Variants in MED28 observed in about 807,000 individuals in gnomAD.
The protein encoded by MED28 is mediator complex subunit 28, also known as mediator of RNA polymerase II transcription subunit 28.
Under a neutral mutation model 21.3 loss-of-function variants are expected in MED28, and 26 were observed. The ratio of observed to expected loss-of-function variants is 1.22; its 90% CI spans 0.89 to 1.69. The LOEUF is 1.69. MED28 is among the 40% of genes most tolerant of loss of function. MED28 has a pLI of 0.00. For synonymous variants in MED28, 110 were observed against 87.6 expected, an observed-to-expected ratio of 1.26 and a Z score of -1.43; for missense variants, 257 against 215.4, an observed-to-expected ratio of 1.19 and a Z score of -1.21.
In MED28 at chr4:17,628,561, C is replaced by T. The variant is rs981121413; in HGVS notation, c.*4763C>T. On this transcript the variant is annotated 3_prime_UTR_variant, in exon 4 of 4. Coordinates refer to ENST00000237380, the MANE Select transcript of MED28 (RefSeq NM_025205.5). ...CCTATGGTTCTCTGTGATGAATAGA[C>T]CCAACTTGTTCAAATACAGGCATTT... 5.9e-5 allele frequency: 9 copies of T among 152,108 alleles called. No individual in the cohort carries two copies. The highest frequency in any genetic ancestry group is 5.9e-4 in the Admixed American group (9 of 15,266). The allele number at this position is 152,108 out of a possible 1,614,324, so 9.4% of individuals were successfully genotyped here. A position where few individuals can be genotyped will look rare whatever the true frequency, so the allele number is the denominator to read the frequency against.
chr4:17,628,383 C>G lies in MED28; in HGVS notation c.*4585C>G, dbSNP rs1029672860. 4.6e-5 allele frequency: 7 copies of G among 151,754 alleles called. No homozygotes were observed. The highest frequency in any genetic ancestry group is 3.9e-4 in the East Asian group (2 of 5,170). The allele number at this position is 151,754 out of a possible 1,614,324, so 9.4% of individuals were successfully genotyped here. On this transcript the variant is annotated 3_prime_UTR_variant, in exon 4 of 4. Coordinates refer to ENST00000237380, the MANE Select transcript of MED28 (RefSeq NM_025205.5). ...ATGCAATTATACCTTTATCCCTACTCTAGTCCACCTTCCTATAAATAAGAT... is the reference window on the plus strand; with the variant it reads ...ATGCAATTATACCTTTATCCCTACTGTAGTCCACCTTCCTATAAATAAGAT...
At chr4:17,621,075 C>T (rs1714615504) in intron 2 of MED28, among the ~76,000 whole-genome samples, 7 of 140,508 alleles carry the variant, frequency 5.0e-5, no homozygotes, top group South Asian at 2.2e-4. Context: ...AGTGCAGTGG[C>T]GCGATCTCGG....
intron 1 of MED28, among the ~76,000 whole-genome samples, chr4:17,616,988 T>C (rs1254062869): frequency 6.6e-6 from 1 of 152,234 alleles, no homozygotes; most frequent in African/African-American, 2.4e-5. Flanking sequence ...TTCAGGAAGC[T>C]TGTAATAAAC....
intron 1 of MED28, among the ~76,000 whole-genome samples, chr4:17,616,464 C>T (rs748487023): frequency 2.6e-5 from 4 of 152,198 alleles, no homozygotes; most frequent in Non-Finnish European, 5.9e-5. Flanking sequence ...CACCCTGCTG[C>T]TTAAAAACGT....
intron 1 of MED28, 151 bp downstream of exon 1, chr4:17,614,964 C>T: frequency 5.0e-6 from 5 of 1,006,544 alleles, no homozygotes; most frequent in East Asian, 5.1e-5. Context: ...TTAGGCTTCC[C>T]CGTGGCCCGT....
At chr4:17,621,139 T>C (rs746817050) in intron 2 of MED28, among the ~76,000 whole-genome samples, 11 of 151,856 alleles carry the variant, frequency 7.2e-5, no homozygotes, top group Non-Finnish European at 1.5e-4. Context: ...CTCAGCCTCT[T>C]GAGTAGCTGG....
In MED28 at chr4:17,623,723, C is replaced by T. The variant is rs375052856; in HGVS notation, c.462C>T (p.Ala154=). The T allele has an allele frequency of 1.6e-5, 26 of 1,614,076 alleles. No individual in the cohort carries two copies. The highest frequency in any genetic ancestry group is 9.3e-5 in the African/African-American group (7 of 74,942). The change falls in exon 4 of 4, where the codon GCC becomes GCT. Residue 154 remains alanine, a synonymous_variant. Transcript: ENST00000237380. ...EDINVQHKKP[A]DIPQGSLAYL... The stretch of plus-strand genomic sequence containing the variant: ...TCAACGTGCAGCACAAAAAGCCCGC[C>T]GACATCCCTCAGGGCTCCTTGGCCT...
rs199549580 is a variant in MED28, at chr4:17,632,043, ATTTTT to A, written c.*8285_*8289del. 1.2e-3 allele frequency: 137 copies of A among 117,372 alleles called. No homozygotes were observed. Among genetic ancestry groups the A allele is most frequent in the Non-Finnish European group, 1.6e-3 (88 of 56,402 alleles). 7.3% of individuals were successfully genotyped at this position (117,372 alleles called of 1,614,324 possible). A position where few individuals can be genotyped will look rare whatever the true frequency, so the allele number is the denominator to read the frequency against. On this transcript the variant is annotated 3_prime_UTR_variant, in exon 4 of 4. Transcript: ENST00000237380. ...TTTTAATAACACTGGTTTAATGTCA[ATTTTT>A]TTTTTTTTTTTTTTTTTTTTTTTTT... is the stretch of plus-strand genomic sequence containing the variant.
In MED28 at chr4:17,629,063, C is replaced by T. The variant is rs569256163; in HGVS notation, c.*5265C>T. The T allele has an allele frequency of 1.2e-3, 178 of 152,362 alleles. 3 individuals carry two copies. The South Asian group carries it at 0.024, about 21-fold the overall frequency. 9.4% of individuals were successfully genotyped at this position (152,362 alleles called of 1,614,324 possible). On this transcript the variant is annotated 3_prime_UTR_variant, in exon 4 of 4. Coordinates refer to ENST00000237380, the MANE Select transcript of MED28 (RefSeq NM_025205.5). ...GACCAGCCTGGCCAACATGGTGAAA[C>T]CCTGTCTCTACTAAAAATACATTAA...
In MED28 at chr4:17,624,097, AT is replaced by A. The variant is rs1330257721; in HGVS notation, c.*304del. On this transcript the variant is annotated 3_prime_UTR_variant, in exon 4 of 4. Coordinates refer to ENST00000237380, the MANE Select transcript of MED28 (RefSeq NM_025205.5). ...TTTATGGTGGCTTTGCTTGTTTTAA[AT>A]TTTTGCATGACTTTTCATCTTTTTA... The A allele has an allele frequency of 2.2e-4, 80 of 367,230 alleles. 1 individual carries two copies. Among genetic ancestry groups the A allele is most frequent in the South Asian group, 2.1e-3 (62 of 29,014 alleles). 22.7% of individuals were successfully genotyped at this position (367,230 alleles called of 1,614,324 possible).
At chr4:17,621,335 T>G (rs1272924757) in intron 2 of MED28, among the ~76,000 whole-genome samples, 2 of 152,100 alleles carry the variant, frequency 1.3e-5, no homozygotes, top group African/African-American at 4.8e-5. Context: ...AAAGAAGATC[T>G]CATGGCTTTT....
chr4:17,622,045 C>T (rs769795874), intron 3 of MED28, among the ~76,000 whole-genome samples: 1 of 152,202 alleles, frequency 6.6e-6, no homozygotes, highest in Admixed American at 6.5e-5. Context: ...TCTGTGTCCC[C>T]ACTTGCCTTA....
At chr4:17,619,041 A>C (rs932961529) in intron 1 of MED28, among the ~76,000 whole-genome samples, 1 of 152,198 alleles carries the variant, frequency 6.6e-6, no homozygotes, top group Non-Finnish European at 1.5e-5. Flanking sequence ...ACAGAGCTCC[A>C]CTTTCCTGTG....
chr4:17,619,447 G>A (rs1714553767), intron 1 of MED28, among the ~76,000 whole-genome samples: 1 of 152,216 alleles, frequency 6.6e-6, no homozygotes, highest in Non-Finnish European at 1.5e-5. Context: ...TTAATTATGT[G>A]AAAAACAATA....
chr4:17,614,952 C>T (rs1714404402), intron 1 of MED28, 139 bp downstream of exon 1: 1 of 1,096,888 alleles, frequency 9.1e-7, no homozygotes, highest in Non-Finnish European at 1.3e-6. Context: ...AAGTCACTTG[C>T]TTTAGGCTTC....
intron 1 of MED28, among the ~76,000 whole-genome samples, chr4:17,617,170 C>G (rs1255348491): frequency 5.9e-5 from 9 of 152,190 alleles, no homozygotes. Flanking sequence ...GAGCTGGATC[C>G]TCTCTGCTGC....
chr4:17,617,154 T>C (rs1714475384), intron 1 of MED28, among the ~76,000 whole-genome samples: 1 of 151,936 alleles, frequency 6.6e-6, no homozygotes, highest in East Asian at 1.9e-4. Context: ...GGAGTGGGAG[T>C]GGTGCGAGCT....
intron 1 of MED28, among the ~76,000 whole-genome samples, chr4:17,618,587 G>C (rs1714525636): frequency 6.6e-6 from 1 of 152,090 alleles, no homozygotes; most frequent in African/African-American, 2.4e-5. Context: ...TGCAGTCTTG[G>C]CTCACTGCAA....
At position 17,621,656 on chromosome 4, in the gene MED28, G is replaced by A; in HGVS notation, c.296G>A (p.Arg99Lys). Residue 99 changes from arginine (R) to lysine (K), a missense_variant, in exon 3 of 4, where the codon AGA becomes AAA. By Grantham distance (26) the Arg-to-Lys change is conservative. Coordinates refer to ENST00000237380, the MANE Select transcript of MED28 (RefSeq NM_025205.5). ...RQTECFFLQK[R>K]LQLSVQKPEQ... ...ACAGAATGTTTTTTCTTACAAAAAA[G>A]ATTGCAGTTATCTGTCCAGAAACCA... 1 of 1,611,346 alleles carries A rather than the reference G, an allele frequency of 6.2e-7. No homozygotes were observed. Among genetic ancestry groups the A allele is most frequent in the Non-Finnish European group, 8.5e-7 (1 of 1,179,356 alleles).
Sources: allele counts gnomAD v4.1 joint callset (sites outside exome capture counted in the v4.1 genomes callset), GRCh38; gene constraint gnomAD v4.1.1; transcripts MANE v1.5; gene names NCBI Gene and HGNC (gene_info 2026-07-23, HGNC 2026-07-21).